MAGI2: variants seen among roughly 807,000 people sequenced by gnomAD.
MAGI2 encodes membrane associated guanylate kinase, WW and PDZ domain containing 2, also known as membrane-associated guanylate kinase, WW and PDZ domain-containing protein 2.
MAGI2 carries 35 observed loss-of-function variants against 133.3 expected under a neutral mutation model. The ratio of observed to expected loss-of-function variants is 0.26; its 90% CI spans 0.20 to 0.35. MAGI2 has a LOEUF of 0.35. Among genes scored for constraint, MAGI2 ranks in the 10% least tolerant of loss-of-function variants. MAGI2 has a pLI of 1.00. For missense variants in MAGI2, 1,636 were observed against 1,863.4 expected, an observed-to-expected ratio of 0.88 and a Z score of 2.25; for synonymous variants, 729 against 710.6, an observed-to-expected ratio of 1.03 and a Z score of -0.41.
chr7:78,823,046 G>T (rs1790262650), intron 2 of MAGI2, among the ~76,000 whole-genome samples: 3 of 152,196 alleles, frequency 2.0e-5, no homozygotes, highest in Admixed American at 2.0e-4. Flanking sequence ...GGACAGTGGA[G>T]AGCACGGTCA....
At chr7:78,677,021 T>C (rs1037763667) in intron 2 of MAGI2, among the ~76,000 whole-genome samples, 4 of 152,160 alleles carry the variant, frequency 2.6e-5, no homozygotes, top group African/African-American at 9.6e-5. Flanking sequence ...TGAGTCAACA[T>C]AACTCAGTTT....
At chr7:78,982,527 C>A (rs1193457657) in intron 2 of MAGI2, among the ~76,000 whole-genome samples, 1 of 151,520 alleles carries the variant, frequency 6.6e-6, no homozygotes, top group African/African-American at 2.4e-5. Context: ...TTTTTAACAA[C>A]TGACAGGTCA....
chr7:78,374,375 T>C (rs578083855), intron 6 of MAGI2, among the ~76,000 whole-genome samples: 2 of 152,310 alleles, frequency 1.3e-5, no homozygotes, highest in East Asian at 1.9e-4. Flanking sequence ...GTGGGGTGTC[T>C]GATCATGTCT....
At chr7:79,103,491 C>T (rs1216354505) in intron 1 of MAGI2, among the ~76,000 whole-genome samples, 1 of 151,912 alleles carries the variant, frequency 6.6e-6, no homozygotes, top group Non-Finnish European at 1.5e-5. Flanking sequence ...AATTTTAATC[C>T]AGCATAATAA....
intron 1 of MAGI2, among the ~76,000 whole-genome samples, chr7:79,209,242 A>G (rs959523480): frequency 1.3e-5 from 2 of 152,026 alleles, no homozygotes; most frequent in African/African-American, 4.8e-5. Flanking sequence ...TAGTCATCCC[A>G]TAATGTGTAT....
At chr7:78,822,047 C>A (rs1337119628) in intron 2 of MAGI2, among the ~76,000 whole-genome samples, 1 of 151,972 alleles carries the variant, frequency 6.6e-6, no homozygotes. Flanking sequence ...GCAACATGGG[C>A]AGATATTTTC....
At chr7:78,608,473 A>G (rs6948378) in intron 3 of MAGI2, among the ~76,000 whole-genome samples, 8,458 of 148,328 alleles carry the variant, frequency 0.057, 289 homozygotes, top group East Asian at 0.081. Flanking sequence ...GTGTGTATGT[A>G]TATATATATA....
chr7:78,287,369 A>T (rs946594859), intron 9 of MAGI2, among the ~76,000 whole-genome samples: 2 of 152,184 alleles, frequency 1.3e-5, no homozygotes, highest in African/African-American at 4.8e-5. Flanking sequence ...AGCTAAACAT[A>T]CTATTAGCTC....
intron 1 of MAGI2, among the ~76,000 whole-genome samples, chr7:79,141,943 T>A (rs1398061871): frequency 1.3e-5 from 2 of 152,194 alleles, no homozygotes; most frequent in African/African-American, 4.8e-5. Flanking sequence ...CTAATATTAG[T>A]CTTTTTCATT....
chr7:78,540,769 C>T (rs1402392083), intron 3 of MAGI2, among the ~76,000 whole-genome samples: 3 of 152,076 alleles, frequency 2.0e-5, no homozygotes, highest in Admixed American at 6.5e-5. Flanking sequence ...GCCGGGAGTG[C>T]CTACAGGACT....
intron 3 of MAGI2, among the ~76,000 whole-genome samples, chr7:78,558,205 A>G (rs1251329199): frequency 6.6e-6 from 1 of 152,170 alleles, no homozygotes; most frequent in Non-Finnish European, 1.5e-5. Flanking sequence ...TAATATATTT[A>G]TGTATTCCCA....
chr7:78,200,431 T>A (rs1004664025), intron 11 of MAGI2, among the ~76,000 whole-genome samples: 2 of 152,162 alleles, frequency 1.3e-5, no homozygotes, highest in Non-Finnish European at 1.5e-5. Flanking sequence ...CATTTTAGCA[T>A]GTTTCGTAGG....
intron 2 of MAGI2, among the ~76,000 whole-genome samples, chr7:78,973,328 T>C (rs1263877316): frequency 1.3e-5 from 2 of 151,864 alleles, no homozygotes; most frequent in African/African-American, 4.8e-5. Flanking sequence ...TGGGTGTTGC[T>C]CCTTCTGTAT....
At chr7:78,264,187 A>C (rs1215386525) in intron 9 of MAGI2, among the ~76,000 whole-genome samples, 1 of 152,164 alleles carries the variant, frequency 6.6e-6, no homozygotes, top group Non-Finnish European at 1.5e-5. Flanking sequence ...TAATCCTTAC[A>C]AAACCCATAT....
chr7:78,278,086 A>T (rs1242917665), intron 9 of MAGI2, among the ~76,000 whole-genome samples: 2 of 152,184 alleles, frequency 1.3e-5, no homozygotes, highest in African/African-American at 4.8e-5. Context: ...AGTAGGAGCA[A>T]TAGCATCTTG....
chr7:78,901,870 T>G (rs1797642876), intron 2 of MAGI2, among the ~76,000 whole-genome samples: 1 of 152,156 alleles, frequency 6.6e-6, no homozygotes, highest in South Asian at 2.1e-4. Context: ...CTCTTTTATA[T>G]TTTGCTAGTT....
intron 1 of MAGI2, among the ~76,000 whole-genome samples, chr7:79,261,294 C>T (rs1464786485): frequency 6.6e-6 from 1 of 152,190 alleles, no homozygotes; most frequent in Non-Finnish European, 1.5e-5. Flanking sequence ...CCCTCCGACA[C>T]ACCAGGGTTT....
intron 2 of MAGI2, among the ~76,000 whole-genome samples, chr7:78,862,915 G>T (rs1187319019): frequency 6.6e-6 from 1 of 152,194 alleles, no homozygotes; most frequent in African/African-American, 2.4e-5. Context: ...GAAAGGCAAA[G>T]TTAGACAAGA....
chr7:78,667,975 C>T (rs1813838846), intron 2 of MAGI2, among the ~76,000 whole-genome samples: 1 of 152,138 alleles, frequency 6.6e-6, no homozygotes, highest in South Asian at 2.1e-4. Flanking sequence ...CACTGACTTC[C>T]ACAATGGTTG....
Sources: allele counts gnomAD v4.1 joint callset (sites outside exome capture counted in the v4.1 genomes callset), GRCh38; gene constraint gnomAD v4.1.1; transcripts MANE v1.5; gene names NCBI Gene and HGNC (gene_info 2026-07-23, HGNC 2026-07-21).